KIAA1549: variants seen among roughly 807,000 people sequenced by gnomAD.
KIAA1549 encodes KIAA1549, also known as UPF0606 protein KIAA1549.
KIAA1549 carries 70 observed loss-of-function variants against 156.4 expected under a neutral mutation model. That is an observed-to-expected ratio of 0.45 (90% CI 0.37 to 0.55). The LOEUF (loss-of-function observed/expected upper bound fraction) is 0.55. KIAA1549 is among the 20% of genes least tolerant of loss of function. The pLI is 0.00. For synonymous variants in KIAA1549, 1,103 were observed against 1,066.4 expected (o/e 1.03, Z -0.67); for missense variants, 2,428 against 2,540.9 (o/e 0.96, Z 0.96).
At chr7:138,979,084 T>C (rs1814463847) in intron 1 of KIAA1549, among the ~76,000 whole-genome samples, 1 of 152,252 alleles carries the variant, frequency 6.6e-6, no homozygotes, top group South Asian at 2.1e-4. Context: ...GCACAGGGGC[T>C]GTGCCCTCCA....
At chr7:138,916,002 C>T (rs1409643943) in intron 2 of KIAA1549, among the ~76,000 whole-genome samples, 1 of 152,234 alleles carries the variant, frequency 6.6e-6, no homozygotes, top group Non-Finnish European at 1.5e-5. Context: ...GGCCAGTCTG[C>T]TAGCAACCCA....
At position 138,918,720 on chromosome 7, in the gene KIAA1549, G is replaced by A. The variant is rs1369544226; in HGVS notation, c.906C>T (p.Pro302=). The change falls in exon 2 of 20, where the codon CCC becomes CCT. Residue 302 remains proline, a synonymous_variant. Transcript: ENST00000422774. This position sits in a 1 kb window ranked among gnomAD's most constrained non-coding sequence, Gnocchi z 4.2. The stretch of plus-strand genomic sequence containing the variant: ...GAGGCTGTGAGACCTCCCCCAAGGA[G>A]GGCAACGGTATAGTAATGCCGTCGC... ...PLGDGITIPL[P]SLGEVSQPPE... 1.2e-6 allele frequency: 2 copies of A among 1,613,890 alleles called. No homozygotes were observed. Among genetic ancestry groups the A allele is most frequent in the Non-Finnish European group, 1.7e-6 (2 of 1,179,884 alleles).
At chr7:138,883,962 C>T (rs367974710) in intron 10 of KIAA1549, among the ~76,000 whole-genome samples, 1 of 152,182 alleles carries the variant, frequency 6.6e-6, no homozygotes, top group South Asian at 2.1e-4. Flanking sequence ...CCCAAGGTAG[C>T]TGCAGGATGG....
chr7:138,848,568 T>C (rs1258894035), intron 17 of KIAA1549, among the ~76,000 whole-genome samples: 1 of 152,212 alleles, frequency 6.6e-6, no homozygotes, highest in Non-Finnish European at 1.5e-5. Context: ...TTATGCTCAC[T>C]GATATTTAGT....
chr7:138,934,549 G>C (rs896733403), intron 1 of KIAA1549, among the ~76,000 whole-genome samples: 18 of 152,098 alleles, frequency 1.2e-4, no homozygotes, highest in Non-Finnish European at 2.6e-4. Flanking sequence ...ACTCAAATAA[G>C]AGACACCATA....
At chr7:138,840,724 C>G (rs1809891044) in intron 18 of KIAA1549, among the ~76,000 whole-genome samples, 2 of 152,152 alleles carry the variant, frequency 1.3e-5, no homozygotes, top group Admixed American at 1.3e-4. Context: ...ACTCCTCTTT[C>G]CTGCGCACTT....
At chr7:138,946,735 C>T (rs1333577473) in intron 1 of KIAA1549, among the ~76,000 whole-genome samples, 2 of 152,124 alleles carry the variant, frequency 1.3e-5, no homozygotes, top group African/African-American at 4.8e-5. Flanking sequence ...GCCGAGATCA[C>T]GCCACTGGAC....
At chr7:138,937,003 T>G (rs1472121165) in intron 1 of KIAA1549, among the ~76,000 whole-genome samples, 2 of 151,986 alleles carry the variant, frequency 1.3e-5, no homozygotes, top group Non-Finnish European at 2.9e-5. Flanking sequence ...AAAGAAACAA[T>G]CAAACTATGT....
At chr7:138,938,739 T>C (rs1325750063) in intron 1 of KIAA1549, among the ~76,000 whole-genome samples, 3 of 152,236 alleles carry the variant, frequency 2.0e-5, no homozygotes, top group African/African-American at 7.2e-5. Flanking sequence ...AACAACCCAA[T>C]TTTGGCATTT....
chr7:138,898,135 C>T (rs1335137189), intron 9 of KIAA1549, among the ~76,000 whole-genome samples: 1 of 151,150 alleles, frequency 6.6e-6, no homozygotes, highest in African/African-American at 2.4e-5. Context: ...GGTGAAACCC[C>T]GTCTCCACTA....
At chr7:138,971,764 C>T (rs1467820539) in intron 1 of KIAA1549, among the ~76,000 whole-genome samples, 1 of 152,188 alleles carries the variant, frequency 6.6e-6, no homozygotes, top group Non-Finnish European at 1.5e-5. Flanking sequence ...AAGATCTTCT[C>T]GGTCCCTTTC....
At chr7:138,856,268 G>A (rs192831320) in intron 16 of KIAA1549, among the ~76,000 whole-genome samples, 1 of 151,174 alleles carries the variant, frequency 6.6e-6, no homozygotes, top group East Asian at 2.0e-4. Flanking sequence ...TCGATCTCCT[G>A]ACCTCGTGAT....
At chr7:138,869,040 G>T (rs1451263933) in intron 14 of KIAA1549, among the ~76,000 whole-genome samples, 1 of 152,236 alleles carries the variant, frequency 6.6e-6, no homozygotes, top group Non-Finnish European at 1.5e-5. Context: ...GAGTCTGGGA[G>T]ACCAGGGGAA....
rs1811223705 is a variant in KIAA1549, at chr7:138,880,932, A to C, written c.4229+456T>G. ...AACGCAGGAGGATGTGATGAAGGTC[A>C]CCTGCAGGCAAAGCAATGAAGTCAC... On this transcript the variant is annotated intron_variant, in intron 11 of 19. Transcript: ENST00000422774. Among the ~76,000 whole-genome samples the C allele has an allele frequency of 3.9e-5, 6 of 152,280 alleles. 2 individuals carry two copies. In the South Asian group the frequency reaches 1.2e-3, roughly 32 times the overall value.
Position 138,861,286 on chromosome 7 carries a change from G to C in KIAA1549, c.5100C>G (p.Pro1700=). Residue 1700 remains proline (P), a synonymous_variant, in exon 16 of 20, where the codon CCC becomes CCG. Transcript: ENST00000422774. Reference sequence around the variant, plus strand: ...CTGCGGTGCTGGCAGGCTGGCTGCTGGGGGCCACGAGGGCAAAGGCGTCGT... The same window carrying C: ...CTGCGGTGCTGGCAGGCTGGCTGCTCGGGGCCACGAGGGCAAAGGCGTCGT... The part of the protein sequence containing the change: ...LLDDAFALVA[P]SSQPASTAGV... The C allele has an allele frequency of 6.2e-7, 1 of 1,607,980 alleles. No individual in the cohort carries two copies. The highest frequency in any genetic ancestry group is 8.5e-7 in the Non-Finnish European group (1 of 1,178,146).
At chr7:138,893,331 C>G (rs1054448567) in intron 10 of KIAA1549, among the ~76,000 whole-genome samples, 1 of 151,270 alleles carries the variant, frequency 6.6e-6, no homozygotes, top group East Asian at 1.9e-4. Context: ...TTAAAAAAAT[C>G]GAGAGAACTT....
rs138395431 is a variant in KIAA1549 at position 138,871,328 on chromosome 7, G to A, written c.4380C>T (p.His1460=). ...PPLPSSGNEQ[H]SSASIFEHVD... The stretch of plus-strand genomic sequence containing the variant: ...CGTGCTCGAAGATGGAGGCTGATGA[G>A]TGCTGCTCATTTCCCGAACTGGGCA... The change falls in exon 13 of 20, where the codon CAC becomes CAT. Residue 1460 remains histidine, a synonymous_variant. Coordinates refer to ENST00000422774, the MANE Select transcript of KIAA1549 (RefSeq NM_001164665.2). 306 of 1,579,864 alleles carry A rather than the reference G, an allele frequency of 1.9e-4. 1 individual carries two copies. Among genetic ancestry groups the A allele is most frequent in the Admixed American group, 1.2e-3 (66 of 54,560 alleles).
At chr7:138,978,884 A>AG (rs1814458112) in intron 1 of KIAA1549, among the ~76,000 whole-genome samples, 1 of 152,296 alleles carries the variant, frequency 6.6e-6, no homozygotes, top group African/African-American at 2.4e-5. Context: ...AGCACCGCCC[A>AG]GGCACCCTAC....
At chr7:138,897,892 CAAAAAAAAA>C (rs59242488) in intron 9 of KIAA1549, among the ~76,000 whole-genome samples, 1,170 of 27,440 alleles carry the variant, frequency 0.043, 11 homozygotes, top group Non-Finnish European at 0.066. Flanking sequence ...GACCCTTTCT[CAAAAAAAAA>C]AAAAAAAAAA....
Sources: gnomAD v4.1 joint callset for allele counts (sites outside exome capture counted in the v4.1 genomes callset) on GRCh38, gnomAD v4.1.1 for gene constraint, Gnocchi (gnomAD v3.1) non-coding constraint, MANE v1.5 for transcripts, NCBI Gene and HGNC (gene_info 2026-07-23, HGNC 2026-07-21) for gene names.